Variants in RANBP10 observed in about 807,000 individuals in gnomAD.
RANBP10 encodes the protein RAN binding protein 10, also known as ran-binding protein 10.
RANBP10 carries 24 observed loss-of-function variants against 72.8 expected under a neutral mutation model. That is an observed-to-expected ratio of 0.33 (90% CI 0.24 to 0.46). RANBP10 has a LOEUF of 0.46. Among genes scored for constraint, RANBP10 ranks in the 20% least tolerant of loss-of-function variants. RANBP10 has a pLI of 1.00. For synonymous variants in RANBP10, 310 were observed against 322.3 expected, an observed-to-expected ratio of 0.96 and a Z score of 0.41; for missense variants, 679 against 817.5, an observed-to-expected ratio of 0.83 and a Z score of 2.07.
At chr16:67,761,826 C>G (rs2054400699) in intron 3 of RANBP10, among the ~76,000 whole-genome samples, 1 of 152,176 alleles carries the variant, frequency 6.6e-6, no homozygotes, top group South Asian at 2.1e-4. Flanking sequence ...CCGCCTCGGC[C>G]TCTCAAAGTG....
intron 5 of RANBP10, 59 bp from the exon 6 acceptor site, chr16:67,735,101 A>AC: frequency 6.9e-7 from 1 of 1,441,946 alleles, no homozygotes; most frequent in South Asian, 1.4e-5. Context: ...CTAAGGCCTC[A>AC]CCTCACCTCC....
chr16:67,792,434 C>T (rs979564418), intron 2 of RANBP10, among the ~76,000 whole-genome samples: 2 of 151,760 alleles, frequency 1.3e-5, no homozygotes, highest in Admixed American at 6.6e-5. Flanking sequence ...TAGTGGCGGA[C>T]GCCTGTAGTC....
At chr16:67,794,930 T>TAAAA (rs1239858200) in intron 2 of RANBP10, among the ~76,000 whole-genome samples, 11 of 54,278 alleles carry the variant, frequency 2.0e-4, no homozygotes, top group South Asian at 6.4e-4. Context: ...TGCCTCAAAT[T>TAAAA]AAAAAAAAAA....
In RANBP10 at chr16:67,803,437, G is replaced by A. The variant is rs535727737; in HGVS notation, c.347+1991C>T. ...AGGCCAAGGCAGGCGAATCACCTGAGGTCAGGAGTTTGAGACCAGCCTGAC... is the reference window on the plus strand; with the variant it reads ...AGGCCAAGGCAGGCGAATCACCTGAAGTCAGGAGTTTGAGACCAGCCTGAC... On this transcript the variant is annotated intron_variant, in intron 2 of 13. Coordinates refer to ENST00000317506, the MANE Select transcript of RANBP10 (RefSeq NM_020850.3). 3.3e-5 allele frequency among the ~76,000 whole-genome samples: 5 copies of A among 152,132 alleles called. No individual in the cohort carries two copies. In the East Asian group the frequency reaches 5.8e-4, roughly 18 times the overall value.
chr16:67,758,104 C>T (rs894446940), intron 3 of RANBP10, among the ~76,000 whole-genome samples: 3 of 152,202 alleles, frequency 2.0e-5, no homozygotes, highest in African/African-American at 7.2e-5. Context: ...ACAGATCACA[C>T]CCTCCCCACT....
chr16:67,777,019 G>A (rs1326464382), intron 2 of RANBP10, among the ~76,000 whole-genome samples: 4 of 151,198 alleles, frequency 2.6e-5, no homozygotes, highest in Non-Finnish European at 5.9e-5. Context: ...AGACCAGCCT[G>A]ACCAACATGG....
chr16:67,797,421 C>G (rs2055153311), intron 2 of RANBP10, among the ~76,000 whole-genome samples: 1 of 152,252 alleles, frequency 6.6e-6, no homozygotes, highest in Non-Finnish European at 1.5e-5. Flanking sequence ...GTAATCCCAG[C>G]ACTTTGGGAG....
At chr16:67,787,989 C>T (rs1398619889) in intron 2 of RANBP10, among the ~76,000 whole-genome samples, 1 of 152,164 alleles carries the variant, frequency 6.6e-6, no homozygotes, top group Non-Finnish European at 1.5e-5. Context: ...CAGGCACATG[C>T]CAACACACTC....
chr16:67,800,726 C>T (rs2055221407), intron 2 of RANBP10, among the ~76,000 whole-genome samples: 1 of 152,168 alleles, frequency 6.6e-6, no homozygotes, highest in African/African-American at 2.4e-5. Flanking sequence ...AAGCTCTTAG[C>T]TCAAACACAG....
chr16:67,777,491 G>A (rs544968857), intron 2 of RANBP10, among the ~76,000 whole-genome samples: 2 of 152,116 alleles, frequency 1.3e-5, no homozygotes, highest in African/African-American at 2.4e-5. Flanking sequence ...AGCCGAGATC[G>A]CGCCACTGCA....
intron 2 of RANBP10, among the ~76,000 whole-genome samples, chr16:67,793,828 A>G (rs1489809383): frequency 6.6e-6 from 1 of 151,956 alleles, no homozygotes; most frequent in African/African-American, 2.4e-5. Flanking sequence ...GCATTTGTTT[A>G]AACCTGCATC....
At chr16:67,759,957 G>A (rs2054363234) in intron 3 of RANBP10, among the ~76,000 whole-genome samples, 1 of 152,078 alleles carries the variant, frequency 6.6e-6, no homozygotes, top group Non-Finnish European at 1.5e-5. Flanking sequence ...AAAATTAGCT[G>A]GGTGTGGTGG....
intron 3 of RANBP10, among the ~76,000 whole-genome samples, chr16:67,746,048 C>G (rs1389076833): frequency 1.3e-5 from 2 of 151,956 alleles, no homozygotes; most frequent in Non-Finnish European, 2.9e-5. Context: ...CCCAGCTACT[C>G]AGGAGGCTGA....
chr16:67,736,276 C>T (rs559877269), intron 5 of RANBP10, among the ~76,000 whole-genome samples: 1 of 152,306 alleles, frequency 6.6e-6, no homozygotes, highest in African/African-American at 2.4e-5. Flanking sequence ...ATTCTCTTGC[C>T]TCAGCCTCCT....
intron 1 of RANBP10, among the ~76,000 whole-genome samples, 198 bp from the exon 2 acceptor site, chr16:67,805,737 T>G (rs998507147): frequency 6.6e-6 from 1 of 152,164 alleles, no homozygotes; most frequent in Non-Finnish European, 1.5e-5. Context: ...AGAACAGCAG[T>G]CCTGCCTGAG....
At chr16:67,774,681 G>A (rs1320956254) in intron 2 of RANBP10, among the ~76,000 whole-genome samples, 1 of 152,192 alleles carries the variant, frequency 6.6e-6, no homozygotes, top group Non-Finnish European at 1.5e-5. Flanking sequence ...CCCCACAGGA[G>A]CCCAGGTTGC....
At chr16:67,744,483 G>C (rs1196736964) in intron 3 of RANBP10, 28 bp from the exon 4 acceptor site, 1 of 1,594,290 alleles carries the variant, frequency 6.3e-7, no homozygotes, top group South Asian at 1.1e-5. Context: ...AGCAATAACT[G>C]AGTAGGTACT....
rs1409752416 is a variant in RANBP10, at chr16:67,794,648, G to A, written c.347+10780C>T. ...ACCAATTCTCCTGCCTCAGCCTCCC[G>A]AAGAGCTGAGACTACAGGTGTGTGC... On this transcript the variant is annotated intron_variant, in intron 2 of 13. Coordinates refer to ENST00000317506, the MANE Select transcript of RANBP10 (RefSeq NM_020850.3). 6.9e-5 allele frequency among the ~76,000 whole-genome samples: 10 copies of A among 144,824 alleles called. No individual in the cohort carries two copies. The East Asian group carries it at 1.5e-3, about 22-fold the overall frequency.
At chr16:67,765,037 G>A (rs879891120) in intron 3 of RANBP10, among the ~76,000 whole-genome samples, 8 of 151,752 alleles carry the variant, frequency 5.3e-5, no homozygotes, top group East Asian at 3.9e-4. Flanking sequence ...TGTAAGTACC[G>A]GTCAAAACAG....
Sources: allele counts gnomAD v4.1 joint callset (sites outside exome capture counted in the v4.1 genomes callset), GRCh38; gene constraint gnomAD v4.1.1; transcripts MANE v1.5; gene names NCBI Gene and HGNC (gene_info 2026-07-23, HGNC 2026-07-21).